RPS6KA2: variants seen among roughly 807,000 people sequenced by gnomAD.
The protein encoded by RPS6KA2 is ribosomal protein S6 kinase alpha-2.
Under a neutral mutation model 91.8 loss-of-function variants are expected in RPS6KA2, and 42 were observed. That is an observed-to-expected ratio of 0.46 (90% confidence interval 0.36 to 0.59). RPS6KA2 has a LOEUF of 0.59. Among genes scored for constraint, RPS6KA2 ranks in the 20% least tolerant of loss-of-function variants. RPS6KA2 has a pLI of 0.00. For missense variants in RPS6KA2, 798 were observed against 978.5 expected (o/e 0.82, Z 2.46); for synonymous variants, 414 against 393.6 (o/e 1.05, Z -0.61).
intron 2 of RPS6KA2, among the ~76,000 whole-genome samples, chr6:166,802,686 G>A: frequency 6.6e-6 from 1 of 152,186 alleles, no homozygotes; most frequent in Non-Finnish European, 1.5e-5. Context: ...AAAACCAGTT[G>A]ATCTGTCCAG....
At chr6:166,463,743 T>TA (rs1408036143) in intron 11 of RPS6KA2, among the ~76,000 whole-genome samples, 2 of 152,164 alleles carry the variant, frequency 1.3e-5, no homozygotes, top group African/African-American at 4.8e-5. Flanking sequence ...TACGCTCCAA[T>TA]AAGGCAAAGG....
chr6:166,437,090 A>G lies in RPS6KA2; in HGVS notation c.1333-4600T>C, dbSNP rs1211536363. 6.6e-6 allele frequency among the ~76,000 whole-genome samples: 1 copy of G among 151,802 alleles called. No individual in the cohort carries two copies. The highest frequency in any genetic ancestry group is 2.4e-5 in the African/African-American group (1 of 41,282). On this transcript the variant is annotated intron_variant, in intron 14 of 20. Coordinates refer to ENST00000265678, the MANE Select transcript of RPS6KA2 (RefSeq NM_021135.6). This position sits in a 1 kb window ranked among gnomAD's most constrained non-coding sequence, Gnocchi z 4.3. ...GGAGGGTGAGCTATTTGAGCAAGGT[A>G]AGGCTGGAGAGTGCTAACGCAGGAG...
chr6:166,810,653 T>C (rs910636641), intron 2 of RPS6KA2, among the ~76,000 whole-genome samples: 2 of 152,170 alleles, frequency 1.3e-5, no homozygotes, highest in Admixed American at 6.5e-5. Context: ...CGCAGGCCTG[T>C]TACCGGGGTT....
intron 1 of RPS6KA2, among the ~76,000 whole-genome samples, chr6:166,559,972 A>T (rs1784291794): frequency 6.6e-6 from 1 of 152,252 alleles, no homozygotes; most frequent in Non-Finnish European, 1.5e-5. Flanking sequence ...AGAAGAAACC[A>T]GGAAAACATA....
At chr6:166,685,384 G>T (rs953450934) in intron 2 of RPS6KA2, among the ~76,000 whole-genome samples, 1 of 152,162 alleles carries the variant, frequency 6.6e-6, no homozygotes, top group Admixed American at 6.5e-5. Flanking sequence ...GACAGAGGCT[G>T]AGAAGGGCAA....
exon 1 of RPS6KA2, chr6:166,862,151 A>T: frequency 6.2e-7 from 1 of 1,614,240 alleles, no homozygotes; most frequent in Non-Finnish European, 8.5e-7. Context: ...CCATAGTTCC[A>T]GCAACTGTGC....
chr6:166,715,628 C>T (rs929798884), intron 2 of RPS6KA2, among the ~76,000 whole-genome samples: 34 of 152,078 alleles, frequency 2.2e-4, no homozygotes, highest in African/African-American at 8.2e-4. Flanking sequence ...GACAGAGTGC[C>T]CTGGCACACA....
chr6:166,820,755 G>A (rs1476129157), intron 2 of RPS6KA2, among the ~76,000 whole-genome samples: 1 of 152,036 alleles, frequency 6.6e-6, no homozygotes, highest in African/African-American at 2.4e-5. Flanking sequence ...ATAGAGAATT[G>A]TGCTCATTAC....
At chr6:166,551,744 C>G (rs1460488060) in intron 1 of RPS6KA2, among the ~76,000 whole-genome samples, 2 of 152,122 alleles carry the variant, frequency 1.3e-5, no homozygotes, top group Non-Finnish European at 2.9e-5. Context: ...ACCAGCCCAC[C>G]AGGCACCTGA....
chr6:166,425,980 C>T (rs1778903003), intron 16 of RPS6KA2, among the ~76,000 whole-genome samples: 2 of 151,462 alleles, frequency 1.3e-5, no homozygotes, highest in Non-Finnish European at 3.0e-5. Context: ...ACTCTCCACC[C>T]CAAATCAACA....
At chr6:166,629,883 C>A (rs1034874824), upstream of RPS6KA2, among the ~76,000 whole-genome samples, 3 of 152,184 alleles carry the variant, frequency 2.0e-5, no homozygotes, top group African/African-American at 7.2e-5. Context: ...GCACTAACAT[C>A]TGGCACTGTG....
chr6:166,447,135 G>A (rs889050563), intron 14 of RPS6KA2, among the ~76,000 whole-genome samples: 3 of 152,120 alleles, frequency 2.0e-5, no homozygotes, highest in South Asian at 4.1e-4. Flanking sequence ...TCCTAGAAAC[G>A]CATGAAGCCT....
At chr6:166,602,453 A>T (rs1262134721) in intron 1 of RPS6KA2, among the ~76,000 whole-genome samples, 1 of 152,218 alleles carries the variant, frequency 6.6e-6, no homozygotes, top group African/African-American at 2.4e-5. Context: ...AAACACCAGA[A>T]GGAAACAACA....
Position 166,702,638 on chromosome 6 carries a change from T to C in RPS6KA2, c.123+155562A>G, listed in dbSNP as rs557695237. The stretch of plus-strand genomic sequence containing the variant: ...TTTGGGACCGAGTGCTCAACTTCTA[T>C]GGGTTTCCCGTGCAGTTCTATTTTA... On this transcript the variant is annotated intron_variant, in intron 2 of 21. Coordinates refer to the RPS6KA2 transcript ENST00000503859. The C allele has an allele frequency of 4.5e-6, 7 of 1,572,022 alleles. No individual in the cohort carries two copies. The East Asian group carries it at 6.7e-5, about 15-fold the overall frequency.
chr6:166,442,162 T>C (rs767900444), intron 14 of RPS6KA2, among the ~76,000 whole-genome samples: 5 of 152,386 alleles, frequency 3.3e-5, no homozygotes, highest in South Asian at 4.1e-4. Context: ...GGATTTTTCT[T>C]GCAGGTCCCA....
In RPS6KA2 at chr6:166,626,620, G is replaced by A. The variant is rs532671215; in HGVS notation, c.99+301C>T. On this transcript the variant is annotated intron_variant, in intron 1 of 20. Transcript: ENST00000265678. The surrounding 1 kb of genome is among the most constrained non-coding windows in gnomAD (Gnocchi z 4.1). ...CAGAGAAAGCCCCTCCTCACCCGGG[G>A]CTCCCTGTGGCCCACAGGGGACCAT... Among the ~76,000 whole-genome samples, 3 of 152,286 alleles carry A rather than the reference G, an allele frequency of 2.0e-5. No homozygotes were observed. In the East Asian group the frequency reaches 5.8e-4, roughly 29 times the overall value.
chr6:166,413,682 T>C, intron 20 of RPS6KA2, 112 bp downstream of exon 20: 1 of 1,156,118 alleles, frequency 8.6e-7, no homozygotes, highest in Non-Finnish European at 1.2e-6. Context: ...TTGGGGCTGC[T>C]ATGGGCTCTT....
chr6:166,465,955 C>T (rs1220394986), intron 11 of RPS6KA2, among the ~76,000 whole-genome samples: 2 of 152,172 alleles, frequency 1.3e-5, no homozygotes, highest in African/African-American at 4.8e-5. Context: ...GGGTTCAGGG[C>T]GCTGGGCAGA....
At chr6:166,576,133 A>G (rs1583293873) in intron 1 of RPS6KA2, among the ~76,000 whole-genome samples, 2 of 152,258 alleles carry the variant, frequency 1.3e-5, no homozygotes, top group Non-Finnish European at 2.9e-5. Flanking sequence ...TGTAAGAAGT[A>G]CCTTACACCT....
Sources: gnomAD v4.1 joint callset for allele counts (sites outside exome capture counted in the v4.1 genomes callset) on GRCh38, gnomAD v4.1.1 for gene constraint, Gnocchi (gnomAD v3.1) non-coding constraint, MANE v1.5 for transcripts, NCBI Gene and HGNC (gene_info 2026-07-23, HGNC 2026-07-21) for gene names.